The following GLB1L2 variants were observed in gnomAD, a reference collection of about 807,000 sequenced individuals.
GLB1L2 encodes beta-galactosidase-1-like protein 2.
In GLB1L2, 68 loss-of-function variants were observed where a neutral mutation model predicts 84.1. The ratio of observed to expected loss-of-function variants is 0.81; its 90% CI spans 0.67 to 0.99. The LOEUF is 0.99. Ranked by LOEUF, GLB1L2 falls within the 50% of genes least tolerant of loss-of-function variation. The pLI, the probability that GLB1L2 is intolerant of heterozygous loss-of-function variation, is 0.00. For missense variants in GLB1L2, 762 were observed against 805.6 expected, an observed-to-expected ratio of 0.95 and a Z score of 0.66; for synonymous variants, 290 against 318.0, an observed-to-expected ratio of 0.91 and a Z score of 0.94.
At chr11:134,343,284 GTCT>G (rs1163544584) in intron 2 of GLB1L2, among the ~76,000 whole-genome samples, 5 of 152,158 alleles carry the variant, frequency 3.3e-5, no homozygotes, top group African/African-American at 9.7e-5. Context: ...AGTGAACGGA[GTCT>G]TCTTCAGGAG....
At chr11:134,356,461 C>A in intron 6 of GLB1L2, 68 bp downstream of exon 6, 1 of 1,063,164 alleles carries the variant, frequency 9.4e-7, no homozygotes, top group Non-Finnish European at 1.4e-6. Flanking sequence ...TGTGGTGTGA[C>A]ATGTGGGTCT....
rs1943900216 is a variant in GLB1L2, at chr11:134,368,744, G to A, written c.990G>A (p.Met330Ile). ...ACTTTGGCTTCATGAATGGAGCCAT[G>A]CACTTCCATGACTACAAGTCAGATG... ...GTNFGFMNGA[M>I]HFHDYKSDVT... Residue 330 changes from methionine to isoleucine, a missense_variant, in exon 10 of 19, where the codon ATG (methionine) becomes ATA (isoleucine). By Grantham distance (10) the Met-to-Ile change is conservative. Coordinates refer to ENST00000535456, the MANE Select transcript of GLB1L2 (RefSeq NM_001370461.1). 6 of 1,613,846 alleles carry A rather than the reference G, an allele frequency of 3.7e-6. No individual in the cohort carries two copies. The highest frequency in any genetic ancestry group is 5.1e-6 in the Non-Finnish European group (6 of 1,179,942).
chr11:134,332,490 C>T (rs1943315640), intron 1 of GLB1L2, among the ~76,000 whole-genome samples: 1 of 152,120 alleles, frequency 6.6e-6, no homozygotes, highest in Non-Finnish European at 1.5e-5. Context: ...CACCCCATCG[C>T]GGCCCCGTCC....
chr11:134,367,605 T>G (rs117642318), intron 9 of GLB1L2, among the ~76,000 whole-genome samples: 2,521 of 152,208 alleles, frequency 0.017, 56 homozygotes, highest in Non-Finnish European at 0.021. Flanking sequence ...ACAGAAAAAG[T>G]ATAGAGAAGA....
At chr11:134,347,301 C>A in intron 4 of GLB1L2, 24 bp from the exon 5 acceptor site, 3 of 1,572,142 alleles carry the variant, frequency 1.9e-6, no homozygotes, top group Non-Finnish European at 2.6e-6. Context: ...TAACATCCTT[C>A]CTTTCCCCCG....
intron 8 of GLB1L2, 157 bp from the exon 9 acceptor site, chr11:134,367,100 C>T (rs970079553): frequency 1.3e-5 from 9 of 692,712 alleles, no homozygotes; most frequent in Non-Finnish European, 2.3e-5. Context: ...GAATTTGGCC[C>T]TCACCTATGC....
At chr11:134,337,369 G>A (rs986220898) in intron 1 of GLB1L2, among the ~76,000 whole-genome samples, 3 of 152,228 alleles carry the variant, frequency 2.0e-5, no homozygotes, top group African/African-American at 7.2e-5. Flanking sequence ...AGACCAAGGA[G>A]CACATATAGA....
rs1340740470 is a variant in GLB1L2, at chr11:134,370,944, CAG to C, written c.1216-61_1216-60del. On this transcript the variant is annotated intron_variant, in intron 12 of 18. Transcript: ENST00000535456. The surrounding 1 kb of genome is among the most constrained non-coding windows in gnomAD (Gnocchi z 4.7). ...TCCACCCCATGTGCCAGCCCCCAGG[CAG>C]AGTCTGTCTGTGACCCCACTCCTCC... is the stretch of plus-strand genomic sequence containing the variant. 6.3e-7 allele frequency: 1 copy of C among 1,585,614 alleles called. No individual in the cohort carries two copies. Among genetic ancestry groups the C allele is most frequent in the African/African-American group, 1.3e-5 (1 of 74,136 alleles).
Position 134,375,200 on chromosome 11 carries a change from CCT to C in GLB1L2, c.*143_*144del, listed in dbSNP as rs1214099893. On this transcript the variant is annotated 3_prime_UTR_variant, in exon 19 of 19. Coordinates refer to ENST00000535456, the MANE Select transcript of GLB1L2 (RefSeq NM_001370461.1). ...CAGGGACTGGGGGCTACAGTCTGCC[CCT>C]GTCTCAGCTCAAAACCCTAAGCCTG... 6 of 640,926 alleles carry C rather than the reference CCT, an allele frequency of 9.4e-6. No individual in the cohort carries two copies. Among genetic ancestry groups the C allele is most frequent in the South Asian group, 6.0e-5 (3 of 49,722 alleles). The allele number at this position is 640,926 out of a possible 1,614,324, so 39.7% of individuals were successfully genotyped here.
chr11:134,361,450 C>T (rs1943788494), intron 7 of GLB1L2: 1 of 152,304 alleles, frequency 6.6e-6, no homozygotes, highest in Non-Finnish European at 1.5e-5. Context: ...GACAACGGTT[C>T]ACTGCAGGCA....
chr11:134,347,546 G>A lies in GLB1L2; in HGVS notation c.558+113G>A. 5 of 745,890 alleles carry A rather than the reference G, an allele frequency of 6.7e-6. No homozygotes were observed. The South Asian group carries it at 7.5e-5, about 11-fold the overall frequency. The allele number at this position is 745,890 out of a possible 1,614,324, so 46.2% of individuals were successfully genotyped here. A position where few individuals can be genotyped will look rare whatever the true frequency, so the allele number is the denominator to read the frequency against. On this transcript the variant is annotated intron_variant, in intron 5 of 18. Transcript: ENST00000535456. Reference sequence around the variant, plus strand: ...TCCAGTGTTTTGAACACACGAGCAGGCTCTTCCTCACCGTCCGAGACTCGT... The same window carrying A: ...TCCAGTGTTTTGAACACACGAGCAGACTCTTCCTCACCGTCCGAGACTCGT...
Position 134,334,875 on chromosome 11 carries a change from C to T in GLB1L2, c.86+2728C>T, listed in dbSNP as rs958957221. Reference sequence around the variant, plus strand: ...AGTTGCCTTTCATTCTCTTCCTATTCGCACTCCATGAACACAAGAATGCCT... The same window carrying T: ...AGTTGCCTTTCATTCTCTTCCTATTTGCACTCCATGAACACAAGAATGCCT... On this transcript the variant is annotated intron_variant, in intron 1 of 18. Transcript: ENST00000535456. This position sits in a 1 kb window ranked among gnomAD's most constrained non-coding sequence, Gnocchi z 4.1. 6.6e-5 allele frequency among the ~76,000 whole-genome samples: 10 copies of T among 152,116 alleles called. No homozygotes were observed. The East Asian group carries it at 7.7e-4, about 12-fold the overall frequency.
Position 134,354,139 on chromosome 11 carries a change from T to C in GLB1L2, c.559-2162T>C, listed in dbSNP as rs565878288. On this transcript the variant is annotated intron_variant, in intron 5 of 18. Coordinates refer to ENST00000535456, the MANE Select transcript of GLB1L2 (RefSeq NM_001370461.1). ...TTTCCTTTATGACTGCTTTACTTTG[T>C]ATCTAGTTGATTTTTTTATAGTGAC... Among the ~76,000 whole-genome samples, 20 of 151,964 alleles carry C rather than the reference T, an allele frequency of 1.3e-4. No individual in the cohort carries two copies. In the South Asian group the frequency reaches 4.1e-3, roughly 31 times the overall value.
Position 134,371,035 on chromosome 11 carries a change from A to G in GLB1L2, c.1243A>G (p.Met415Val), listed in dbSNP as rs539710761. The change falls in exon 13 of 19, where the codon ATG becomes GTG. Residue 415 changes from methionine to valine, a missense_variant. Met to Val is a conservative substitution (Grantham distance 21, BLOSUM62 1). Transcript: ENST00000535456. The part of the protein sequence containing the change: ...EPIKSEKPIN[M>V]ENLPVNGGNG... ...AATCAAGTCTGAAAAGCCCATCAAC[A>G]TGGAGAACCTGCCAGTCAATGGGGG... is the stretch of plus-strand genomic sequence containing the variant. 2.0e-5 allele frequency: 32 copies of G among 1,614,052 alleles called. No homozygotes were observed. The Admixed American group carries it at 4.3e-4, about 22-fold the overall frequency.
In GLB1L2 at chr11:134,368,782, G is replaced by A. The variant is rs1488774244; in HGVS notation, c.1027+1G>A. The stretch of plus-strand genomic sequence containing the variant: ...TACAAGTCAGATGTCACCAGCTATG[G>A]CAAGTATTCATCAGCACTGCTCTCC... On this transcript the variant is annotated splice_donor_variant, in intron 10 of 18. Coordinates refer to ENST00000535456, the MANE Select transcript of GLB1L2 (RefSeq NM_001370461.1). LOFTEE classifies it high-confidence loss of function. The A allele has an allele frequency of 2.4e-5, 39 of 1,613,352 alleles. No homozygotes were observed. Among genetic ancestry groups the A allele is most frequent in the Non-Finnish European group, 3.3e-5 (39 of 1,179,874 alleles).
chr11:134,337,744 C>A (rs1292408120), intron 1 of GLB1L2, among the ~76,000 whole-genome samples: 1 of 152,176 alleles, frequency 6.6e-6, no homozygotes, highest in Non-Finnish European at 1.5e-5. Flanking sequence ...GGCAGCTGAA[C>A]ACACTTGCCA....
rs752428268 is a variant in GLB1L2 at position 134,356,379 on chromosome 11, C to T, written c.637C>T (p.Pro213Ser). The change falls in exon 6 of 19, where the codon CCC (proline) becomes TCC (serine). Residue 213 changes from proline (P) to serine (S), a missense_variant. Pro to Ser is a moderately conservative substitution (Grantham distance 74). Coordinates refer to ENST00000535456, the MANE Select transcript of GLB1L2 (RefSeq NM_001370461.1). ...GSYNKDPAYMPYVKKALEDRG... is the reference protein window; with the variant it reads ...GSYNKDPAYMSYVKKALEDRG... The stretch of plus-strand genomic sequence containing the variant: ...CTATAATAAAGACCCCGCATACATG[C>T]CCTACGTCAAGAAGGTAAGAATCCT... The T allele has an allele frequency of 6.2e-7, 1 of 1,612,034 alleles. No individual in the cohort carries two copies. Among genetic ancestry groups the T allele is most frequent in the East Asian group, 2.2e-5 (1 of 44,870 alleles).
chr11:134,342,744 G>A lies in GLB1L2; in HGVS notation c.87-10G>A, dbSNP rs1943486267. ...AGCCTCCAGGCTCCAGAATGTCTTTGTCTTTCCAGGCTGGACTGGAGCACC... is the reference window on the plus strand; with the variant it reads ...AGCCTCCAGGCTCCAGAATGTCTTTATCTTTCCAGGCTGGACTGGAGCACC... On this transcript the variant is annotated splice_polypyrimidine_tract_variant and intron_variant, in intron 1 of 18. Coordinates refer to ENST00000535456, the MANE Select transcript of GLB1L2 (RefSeq NM_001370461.1). The A allele has an allele frequency of 6.2e-7, 1 of 1,612,132 alleles. No homozygotes were observed. Among genetic ancestry groups the A allele is most frequent in the Non-Finnish European group, 8.5e-7 (1 of 1,179,180 alleles).
Position 134,347,311 on chromosome 11 carries a change from G to A in GLB1L2, c.450-14G>A, listed in dbSNP as rs755849141. 1.1e-5 allele frequency: 18 copies of A among 1,601,070 alleles called. No individual in the cohort carries two copies. The highest frequency in any genetic ancestry group is 7.7e-5 in the South Asian group (7 of 90,814). ...GACACTAACATCCTTCCTTTCCCCC[G>A]TTTACACTTCAAGCTGGCTACTCCA... On this transcript the variant is annotated splice_polypyrimidine_tract_variant and intron_variant, in intron 4 of 18. Transcript: ENST00000535456.
Sources: gnomAD v4.1 joint callset for allele counts (sites outside exome capture counted in the v4.1 genomes callset) on GRCh38, gnomAD v4.1.1 for gene constraint, Gnocchi (gnomAD v3.1) non-coding constraint, MANE v1.5 for transcripts, NCBI Gene and HGNC (gene_info 2026-07-23, HGNC 2026-07-21) for gene names.